The following BABAM2 variants were observed in gnomAD, a reference collection of about 807,000 sequenced individuals.
BABAM2 encodes the protein BRISC and BRCA1-A complex member 2.
Under a neutral mutation model 54.7 loss-of-function variants are expected in BABAM2, and 31 were observed. That is an observed-to-expected ratio of 0.57 (90% confidence interval 0.43 to 0.77). The LOEUF (loss-of-function observed/expected upper bound fraction) is 0.77. BABAM2 is among the 30% of genes least tolerant of loss of function. The pLI, the probability that BABAM2 is intolerant of heterozygous loss-of-function variation, is 0.00. For missense variants in BABAM2, 364 were observed against 455.8 expected, an observed-to-expected ratio of 0.80 and a Z score of 1.83; for synonymous variants, 167 against 162.9, an observed-to-expected ratio of 1.03 and a Z score of -0.19.
chr2:27,985,305 G>A (rs556962332), intron 3 of BABAM2, among the ~76,000 whole-genome samples: 1 of 152,086 alleles, frequency 6.6e-6, no homozygotes, highest in Admixed American at 6.6e-5. Context: ...TCTCCACACT[G>A]TTTTCCATAG....
chr2:28,201,978 C>T (rs1464715453), intron 7 of BABAM2, among the ~76,000 whole-genome samples: 1 of 152,084 alleles, frequency 6.6e-6, no homozygotes, highest in Admixed American at 6.5e-5. Flanking sequence ...GGATGAGCCA[C>T]GGGGCCCAGT....
At position 28,338,354 on chromosome 2, in the gene BABAM2, C is replaced by T; in HGVS notation, c.1089-96C>T. 3.5e-6 allele frequency: 4 copies of T among 1,127,408 alleles called. No homozygotes were observed. The South Asian group carries it at 3.8e-5, about 11-fold the overall frequency. 69.8% of individuals were successfully genotyped at this position (1,127,408 alleles called of 1,614,324 possible). A position where few individuals can be genotyped will look rare whatever the true frequency, so the allele number is the denominator to read the frequency against. On this transcript the variant is annotated intron_variant, in intron 11 of 11. Transcript: ENST00000379624. ...CCCAAGATGCATGAACAATAAATAA[C>T]AACTGTTCTGAGTTAGCTTGAAAGC...
intron 6 of BABAM2, among the ~76,000 whole-genome samples, chr2:28,112,146 T>TTTCCTTCCTTCC (rs1344247281): frequency 1.9e-4 from 2 of 10,558 alleles, no homozygotes; most frequent in Non-Finnish European, 2.9e-4. Flanking sequence ...TCTTTCTTTC[T>TTTCCTTCCTTCC]TTACCTCCCT....
chr2:28,125,953 T>C (rs1010473041), intron 6 of BABAM2, among the ~76,000 whole-genome samples: 8 of 152,202 alleles, frequency 5.3e-5, no homozygotes, highest in African/African-American at 1.7e-4. Flanking sequence ...GCTGTTTATA[T>C]GCAAATGTGT....
intron 6 of BABAM2, among the ~76,000 whole-genome samples, chr2:28,068,862 T>C (rs1425751993): frequency 1.3e-5 from 2 of 152,184 alleles, no homozygotes; most frequent in African/African-American, 4.8e-5. Context: ...AAAAAATGAG[T>C]GCGTGAATTT....
intron 7 of BABAM2, among the ~76,000 whole-genome samples, chr2:28,152,503 G>A (rs1230335994): frequency 2.0e-5 from 3 of 152,148 alleles, no homozygotes; most frequent in Admixed American, 6.5e-5. Flanking sequence ...AGCTGATAAC[G>A]GGAAGGAGGA....
In BABAM2 at chr2:28,154,514, G is replaced by A. The variant is rs548792171; in HGVS notation, c.680+25134G>A. Among the ~76,000 whole-genome samples, 278 of 152,248 alleles carry A rather than the reference G, an allele frequency of 1.8e-3. 2 individuals are homozygous for A. Among genetic ancestry groups the A allele is most frequent in the African/African-American group, 6.6e-3 (275 of 41,544 alleles). On this transcript the variant is annotated intron_variant, in intron 7 of 11. Coordinates refer to ENST00000379624, the MANE Select transcript of BABAM2 (RefSeq NM_199191.3). ...GCCACATTTGGTTACTTTAATTAATGCCTTTAATAAGTAGAGGTGTTAGGC... is the reference window on the plus strand; with the variant it reads ...GCCACATTTGGTTACTTTAATTAATACCTTTAATAAGTAGAGGTGTTAGGC...
At chr2:28,286,536 G>T (rs1290849987) in intron 10 of BABAM2, among the ~76,000 whole-genome samples, 1 of 152,034 alleles carries the variant, frequency 6.6e-6, no homozygotes, top group Non-Finnish European at 1.5e-5. Context: ...CCCTCGCTGG[G>T]CCTCTACGGT....
chr2:28,167,556 T>C (rs1673821799), intron 7 of BABAM2, among the ~76,000 whole-genome samples: 1 of 151,518 alleles, frequency 6.6e-6, no homozygotes, highest in Admixed American at 6.6e-5. Flanking sequence ...TAGCCAGACA[T>C]TGTGGCGGGT....
chr2:27,959,591 T>G (rs1436643176), intron 3 of BABAM2, among the ~76,000 whole-genome samples: 1 of 152,132 alleles, frequency 6.6e-6, no homozygotes, highest in Non-Finnish European at 1.5e-5. Flanking sequence ...TTGGCACTTC[T>G]GAGATGTTGT....
intron 3 of BABAM2, among the ~76,000 whole-genome samples, chr2:27,980,036 T>C (rs985822607): frequency 1.3e-5 from 2 of 152,206 alleles, no homozygotes; most frequent in Admixed American, 1.3e-4. Flanking sequence ...TAAAGCACTG[T>C]TGATGTGCAT....
chr2:27,999,458 G>A (rs1037237533), intron 4 of BABAM2, among the ~76,000 whole-genome samples: 1 of 152,172 alleles, frequency 6.6e-6, no homozygotes, highest in Non-Finnish European at 1.5e-5. Context: ...GGAGTAGTTT[G>A]CATAGGCAAA....
chr2:28,091,134 T>G (rs966425884), intron 6 of BABAM2, among the ~76,000 whole-genome samples: 2 of 152,208 alleles, frequency 1.3e-5, no homozygotes, highest in African/African-American at 4.8e-5. Flanking sequence ...AGAAAGTCAA[T>G]TTGTTTTCAT....
chr2:27,998,067 C>T (rs1408043591), intron 4 of BABAM2, among the ~76,000 whole-genome samples: 1 of 151,968 alleles, frequency 6.6e-6, no homozygotes, highest in African/African-American at 2.4e-5. Flanking sequence ...GGAGGAGAAT[C>T]GTTTGAACCT....
chr2:28,228,902 A>G (rs527481021), intron 7 of BABAM2, among the ~76,000 whole-genome samples: 2 of 152,336 alleles, frequency 1.3e-5, no homozygotes, highest in Admixed American at 1.3e-4. Flanking sequence ...TTTCTGAACA[A>G]AGACTTGGTT....
chr2:28,223,364 C>T (rs1680584423), intron 7 of BABAM2, among the ~76,000 whole-genome samples: 2 of 152,200 alleles, frequency 1.3e-5, no homozygotes, highest in Admixed American at 1.3e-4. Flanking sequence ...GCTCCCCATG[C>T]TCACCTTTGT....
At chr2:28,233,184 G>A in intron 7 of BABAM2, 2 of 471,248 alleles carry the variant, frequency 4.2e-6, no homozygotes, top group South Asian at 1.6e-5. Flanking sequence ...CTTCTCACCC[G>A]CTTCCTCCCC....
At chr2:28,106,676 T>C (rs1667554724) in intron 6 of BABAM2, among the ~76,000 whole-genome samples, 1 of 152,214 alleles carries the variant, frequency 6.6e-6, no homozygotes, top group Admixed American at 6.5e-5. Context: ...GTTGATGTGT[T>C]CACACTGATC....
At chr2:28,200,492 A>G (rs1026159278) in intron 7 of BABAM2, among the ~76,000 whole-genome samples, 5 of 152,216 alleles carry the variant, frequency 3.3e-5, no homozygotes, top group African/African-American at 1.2e-4. Flanking sequence ...TTGTAATCAT[A>G]CTGTGCACAC....
Sources: allele counts gnomAD v4.1 joint callset (sites outside exome capture counted in the v4.1 genomes callset), GRCh38; gene constraint gnomAD v4.1.1; transcripts MANE v1.5; gene names NCBI Gene and HGNC (gene_info 2026-07-23, HGNC 2026-07-21).